Variants in KIAA1549 observed in about 807,000 individuals in gnomAD.
KIAA1549 encodes the protein KIAA1549, also known as UPF0606 protein KIAA1549.
KIAA1549 carries 70 observed loss-of-function variants against 156.4 expected under a neutral mutation model. The observed-to-expected ratio is 0.45, with a 90% confidence interval of 0.37 to 0.55. The LOEUF is 0.55. Among genes scored for constraint, KIAA1549 ranks in the 20% least tolerant of loss-of-function variants. The pLI, the probability that KIAA1549 is intolerant of heterozygous loss-of-function variation, is 0.00. For missense variants in KIAA1549, 2,428 were observed against 2,540.9 expected, an observed-to-expected ratio of 0.96 and a Z score of 0.96; for synonymous variants, 1,103 against 1,066.4, an observed-to-expected ratio of 1.03 and a Z score of -0.67.
chr7:138,893,181 T>C (rs1282888868), intron 10 of KIAA1549, among the ~76,000 whole-genome samples: 1 of 152,248 alleles, frequency 6.6e-6, no homozygotes, highest in African/African-American at 2.4e-5. Context: ...AGAAAATTGC[T>C]ATTTCTATAA....
chr7:138,841,357 C>T (rs548487087), intron 18 of KIAA1549, among the ~76,000 whole-genome samples: 1 of 152,202 alleles, frequency 6.6e-6, no homozygotes, highest in African/African-American at 2.4e-5. Flanking sequence ...CAATTAAAAC[C>T]ACTCCCCCAG....
intron 4 of KIAA1549, 35 bp from the exon 5 acceptor site, chr7:138,909,156 G>C: frequency 6.3e-7 from 1 of 1,591,282 alleles, no homozygotes; most frequent in Non-Finnish European, 8.6e-7. Flanking sequence ...CCATAAATGA[G>C]GTGTTTGTGC....
chr7:138,947,861 C>A (rs1275539614), intron 1 of KIAA1549, among the ~76,000 whole-genome samples: 1 of 152,012 alleles, frequency 6.6e-6, no homozygotes, highest in Admixed American at 6.6e-5. Flanking sequence ...CTCCTGGGCT[C>A]AAGCAATCCT....
At chr7:138,940,679 G>GT (rs1426430570) in intron 1 of KIAA1549, among the ~76,000 whole-genome samples, 1 of 152,156 alleles carries the variant, frequency 6.6e-6, no homozygotes, top group Non-Finnish European at 1.5e-5. Context: ...AGCACCTGTT[G>GT]TGTCCTGACT....
At position 138,870,910 on chromosome 7, in the gene KIAA1549, C is replaced by T. The variant is rs371115987; in HGVS notation, c.4551+247G>A. Among the ~76,000 whole-genome samples the T allele has an allele frequency of 2.3e-3, 346 of 152,296 alleles. 1 individual carries two copies. The highest frequency in any genetic ancestry group is 4.2e-3 in the Non-Finnish European group (289 of 68,024). Reference sequence around the variant, plus strand: ...CCGGCTCAGTGCAAACTCCCCCTCCCGGGTTCAAGTGATTCTCCTGCCTCA... The same window carrying T: ...CCGGCTCAGTGCAAACTCCCCCTCCTGGGTTCAAGTGATTCTCCTGCCTCA... On this transcript the variant is annotated intron_variant, in intron 13 of 19. Coordinates refer to ENST00000422774, the MANE Select transcript of KIAA1549 (RefSeq NM_001164665.2).
intron 1 of KIAA1549, among the ~76,000 whole-genome samples, chr7:138,977,768 C>G (rs541294101): frequency 1.3e-5 from 2 of 152,082 alleles, no homozygotes; most frequent in Non-Finnish European, 2.9e-5. Flanking sequence ...GGCGCCATCT[C>G]GGCTCACTGC....
Position 138,837,235 on chromosome 7 carries a change from G to A in KIAA1549, c.*671C>T, listed in dbSNP as rs1450580464. On this transcript the variant is annotated 3_prime_UTR_variant, in exon 20 of 20. Transcript: ENST00000422774. ...TTCAACATATTCTTCCACTGAAAAA[G>A]CCAAAGTTCCATTTCAGACATGAAG... 4 of 227,100 alleles carry A rather than the reference G, an allele frequency of 1.8e-5. No homozygotes were observed. The East Asian group carries it at 1.9e-4, about 11-fold the overall frequency. 14.1% of individuals were successfully genotyped at this position (227,100 alleles called of 1,614,324 possible).
chr7:138,905,936 A>C (rs1811993737), intron 6 of KIAA1549, among the ~76,000 whole-genome samples: 1 of 152,100 alleles, frequency 6.6e-6, no homozygotes, highest in African/African-American at 2.4e-5. Context: ...CAGTTTCACA[A>C]CCCCCAAAAC....
At chr7:138,950,263 A>C (rs2718141) in intron 1 of KIAA1549, among the ~76,000 whole-genome samples, 39,760 of 152,142 alleles carry the variant, frequency 0.26, 6,274 homozygotes, top group African/African-American at 0.44. Flanking sequence ...ATCGTAAAAA[A>C]TTTCAGAATA....
chr7:138,960,457 C>T (rs181946020), intron 1 of KIAA1549, among the ~76,000 whole-genome samples: 29 of 151,770 alleles, frequency 1.9e-4, no homozygotes, highest in Non-Finnish European at 3.5e-4. Context: ...TACAGGCACC[C>T]GCCACTATGC....
intron 1 of KIAA1549, among the ~76,000 whole-genome samples, chr7:138,930,613 CTT>C (rs1563082663): frequency 6.6e-6 from 1 of 152,362 alleles, no homozygotes; most frequent in Non-Finnish European, 1.5e-5. Context: ...TAGCTTCAAA[CTT>C]TTCTTCTGCA....
chr7:138,867,003 A>C (rs904351288), intron 15 of KIAA1549, among the ~76,000 whole-genome samples: 11 of 151,832 alleles, frequency 7.2e-5, no homozygotes, highest in African/African-American at 2.4e-4. Flanking sequence ...GGGTTTCGCT[A>C]TATTGCCCAG....
chr7:138,961,399 C>T (rs566892335), intron 1 of KIAA1549, among the ~76,000 whole-genome samples: 159 of 152,254 alleles, frequency 1.0e-3, no homozygotes, highest in Non-Finnish European at 1.7e-3. Context: ...ATCTATTAGG[C>T]TCCTACCGTG....
intron 1 of KIAA1549, 130 bp from the exon 2 acceptor site, chr7:138,919,568 A>T: frequency 6.9e-7 from 1 of 1,450,380 alleles, no homozygotes; most frequent in South Asian, 1.4e-5. Context: ...AATCACCGTC[A>T]GAAGTTAAAC....
At chr7:138,925,355 C>G (rs1038866670) in intron 1 of KIAA1549, among the ~76,000 whole-genome samples, 1 of 151,996 alleles carries the variant, frequency 6.6e-6, no homozygotes, top group East Asian at 1.9e-4. Context: ...CCTTTAAGAC[C>G]TAGGCCAATC....
intron 2 of KIAA1549, 96 bp from the exon 3 acceptor site, chr7:138,912,556 T>C: frequency 3.1e-6 from 3 of 972,546 alleles, no homozygotes; most frequent in Admixed American, 3.8e-5. Flanking sequence ...CAAAATGTGT[T>C]AGCAGTTCCA....
chr7:138,861,585 G>T, intron 15 of KIAA1549, 129 bp from the exon 16 acceptor site: 1 of 761,642 alleles, frequency 1.3e-6, no homozygotes, highest in Non-Finnish European at 2.1e-6. Flanking sequence ...GTGCACAGTG[G>T]CTCACACCTT....
intron 12 of KIAA1549, 88 bp downstream of exon 12, chr7:138,879,450 G>A (rs1382422683): frequency 1.2e-5 from 9 of 736,658 alleles, no homozygotes; most frequent in Non-Finnish European, 6.6e-6. Context: ...CTTTTTTAAG[G>A]GTTTAGCATT....
chr7:138,975,767 A>G (rs984378124), intron 1 of KIAA1549, among the ~76,000 whole-genome samples: 2 of 152,244 alleles, frequency 1.3e-5, no homozygotes, highest in Non-Finnish European at 2.9e-5. Flanking sequence ...CAGTTAGAAC[A>G]GTGTCTTCCT....
Sources: allele counts gnomAD v4.1 joint callset (sites outside exome capture counted in the v4.1 genomes callset), GRCh38; gene constraint gnomAD v4.1.1; transcripts MANE v1.5; gene names NCBI Gene and HGNC (gene_info 2026-07-23, HGNC 2026-07-21).